The following SYNE3 variants were observed in gnomAD, a reference collection of about 807,000 sequenced individuals.
SYNE3 encodes the protein spectrin repeat containing nuclear envelope family member 3, also known as nesprin-3.
A neutral mutation model predicts 111.2 loss-of-function variants in SYNE3; 100 were observed. That is an observed-to-expected ratio of 0.90 (90% confidence interval 0.77 to 1.06). SYNE3 has a LOEUF of 1.06. Among genes scored for constraint, SYNE3 ranks in the 50% least tolerant of loss-of-function variants. The pLI is 0.00. For synonymous variants in SYNE3, 547 were observed against 533.9 expected (o/e 1.02, Z -0.34); for missense variants, 1,160 against 1,240.3 (o/e 0.94, Z 0.97).
intron 1 of SYNE3, among the ~76,000 whole-genome samples, chr14:95,503,082 A>T (rs1566689945): frequency 6.6e-6 from 1 of 152,238 alleles, no homozygotes; most frequent in Admixed American, 6.5e-5. Context: ...GATTAAATTA[A>T]TCCCATTAGC....
At chr14:95,449,828 C>T in intron 8 of SYNE3, 103 bp downstream of exon 8, 1 of 1,470,118 alleles carries the variant, frequency 6.8e-7, no homozygotes, top group Non-Finnish European at 9.1e-7. Flanking sequence ...CCCCAGATAT[C>T]CGGAGGACCC....
chr14:95,504,389 T>C (rs1313787653), intron 1 of SYNE3, among the ~76,000 whole-genome samples: 1 of 152,226 alleles, frequency 6.6e-6, no homozygotes, highest in African/African-American at 2.4e-5. Flanking sequence ...TCCATTATCC[T>C]AGAAAATTCT....
At chr14:95,432,192 G>A (rs1350620505) in intron 16 of SYNE3, 75 bp from the exon 17 acceptor site, 1 of 1,504,418 alleles carries the variant, frequency 6.6e-7, no homozygotes, top group African/African-American at 1.4e-5. Flanking sequence ...TCCCAACAGA[G>A]CCTGTAATGG....
intron 5 of SYNE3, 42 bp from the exon 6 acceptor site, chr14:95,455,766 A>C: frequency 6.3e-7 from 1 of 1,590,988 alleles, no homozygotes; most frequent in African/African-American, 1.3e-5. Context: ...GGCAGGGAAA[A>C]AGAATACAGT....
intron 16 of SYNE3, among the ~76,000 whole-genome samples, chr14:95,432,624 C>A (rs1885844108): frequency 2.7e-5 from 4 of 146,418 alleles, no homozygotes; most frequent in South Asian, 2.2e-4. Flanking sequence ...ATGATCATTA[C>A]TAGTTTTGCT....
Position 95,415,276 on chromosome 14 carries a change from G to GCCC in SYNE3, c.*2547_*2549dup, listed in dbSNP as rs59220960. 7.2e-6 allele frequency: 1 copy of GCCC among 139,694 alleles called. No homozygotes were observed. The highest frequency in any genetic ancestry group is 2.4e-4 in the South Asian group (1 of 4,156). The allele number at this position is 139,694 out of a possible 1,614,324, so 8.7% of individuals were successfully genotyped here. On this transcript the variant is annotated 3_prime_UTR_variant, in exon 18 of 18. Transcript: ENST00000682763. Reference sequence around the variant, plus strand: ...CATAGGAAAGTGGACACCTGGCAAGGCCCCCCCACCCACCCACCCTGCCAC... The same window carrying GCCC: ...CATAGGAAAGTGGACACCTGGCAAGGCCCCCCCCCCACCCACCCACCCTGCCAC...
At chr14:95,447,176 C>T (rs1015971308) in intron 8 of SYNE3, among the ~76,000 whole-genome samples, 3 of 150,124 alleles carry the variant, frequency 2.0e-5, no homozygotes, top group African/African-American at 2.5e-5. Context: ...CTCTGTTGCC[C>T]AGGCTGGAGT....
chr14:95,466,666 A>G (rs999533547), intron 3 of SYNE3, among the ~76,000 whole-genome samples: 8 of 152,200 alleles, frequency 5.3e-5, no homozygotes, highest in African/African-American at 1.9e-4. Context: ...CCGCTGGCAC[A>G]CGCACACCCA....
Position 95,439,925 on chromosome 14 carries a change from C to T in SYNE3, c.2062G>A (p.Ala688Thr), listed in dbSNP as rs1886315051. ...AGPGDAESQE[A>T]EFERLVAEFP... is the part of the protein sequence containing the mutation. ...AACCACCGCCTTACCTCAAACTCGG[C>T]CTCTTGGGACTCGGCATCCCCCGGG... is the stretch of plus-strand genomic sequence containing the variant. The change falls in exon 12 of 18, where the codon GCC becomes ACC. Residue 688 changes from alanine to threonine, a missense_variant. By Grantham distance (58) the Ala-to-Thr change is moderately conservative. Transcript: ENST00000682763. 2 of 1,612,274 alleles carry T rather than the reference C, an allele frequency of 1.2e-6. No homozygotes were observed. Among genetic ancestry groups the T allele is most frequent in the Admixed American group, 1.7e-5 (1 of 59,820 alleles).
chr14:95,437,003 A>G (rs1250099064), intron 14 of SYNE3, 22 bp from the exon 15 acceptor site: 2 of 1,613,832 alleles, frequency 1.2e-6, no homozygotes, highest in Non-Finnish European at 1.7e-6. Flanking sequence ...CACACGGCCA[A>G]AGCGTCAGAG....
rs541726062 is a variant in SYNE3 at position 95,451,907 on chromosome 14, G to A, written c.1274+340C>T. The A allele has an allele frequency of 1.9e-4, 33 of 173,508 alleles. 1 individual carries two copies. In the South Asian group the frequency reaches 5.4e-3, roughly 29 times the overall value. The allele number at this position is 173,508 out of a possible 1,614,324, so 10.7% of individuals were successfully genotyped here. Reference sequence around the variant, plus strand: ...GGCTCAGATGTTGAAGTCAGCATCCGAAGGCAGGGGAATGGAGTCTGTCTA... The same window carrying A: ...GGCTCAGATGTTGAAGTCAGCATCCAAAGGCAGGGGAATGGAGTCTGTCTA... On this transcript the variant is annotated intron_variant, in intron 7 of 17. Coordinates refer to ENST00000682763, the MANE Select transcript of SYNE3 (RefSeq NM_152592.6).
chr14:95,466,088 T>A lies in SYNE3; in HGVS notation c.470A>T (p.Gln157Leu), dbSNP rs540187127. The A allele has an allele frequency of 6.2e-7, 1 of 1,613,196 alleles. No individual in the cohort carries two copies. The highest frequency in any genetic ancestry group is 8.5e-7 in the Non-Finnish European group (1 of 1,179,328). ...KEKQWQLSHA[Q>L]VLLHNVDNQA... Reference sequence around the variant, plus strand: ...GTTGTCCACGTTGTGCAGCAGCACCTGGGCGTGGCTCAGCTGCCACTGCTT... The same window carrying A: ...GTTGTCCACGTTGTGCAGCAGCACCAGGGCGTGGCTCAGCTGCCACTGCTT... The change falls in exon 4 of 18, where the codon CAG becomes CTG. Residue 157 changes from glutamine (Q) to leucine (L), a missense_variant. Gln to Leu is a moderately radical substitution (Grantham distance 113, BLOSUM62 -2). Coordinates refer to ENST00000682763, the MANE Select transcript of SYNE3 (RefSeq NM_152592.6).
chr14:95,509,781 C>G (rs916489845), intron 1 of SYNE3, among the ~76,000 whole-genome samples: 4 of 152,254 alleles, frequency 2.6e-5, no homozygotes, highest in Non-Finnish European at 4.4e-5. Context: ...CTGTCCATGC[C>G]TTGGTGATCA....
At chr14:95,445,497 A>C (rs140674396) in intron 9 of SYNE3, among the ~76,000 whole-genome samples, 95 of 152,364 alleles carry the variant, frequency 6.2e-4, no homozygotes, top group African/African-American at 2.2e-3. Flanking sequence ...ACAACATGCC[A>C]TGCCATGTCA....
At chr14:95,473,387 T>C (rs1022814338) in intron 2 of SYNE3, among the ~76,000 whole-genome samples, 7 of 151,898 alleles carry the variant, frequency 4.6e-5, no homozygotes, top group Non-Finnish European at 5.9e-5. Context: ...CTAAGCACCC[T>C]AACACAGTGG....
chr14:95,419,755 A>T (rs977423602), intron 17 of SYNE3, among the ~76,000 whole-genome samples: 2 of 147,040 alleles, frequency 1.4e-5, no homozygotes, highest in African/African-American at 5.0e-5. Context: ...GATGATGGTG[A>T]TAATGATCAT....
rs1025281357 is a variant in SYNE3 at position 95,409,455 on chromosome 14, C to T, written c.*8371G>A. 4 of 438,482 alleles carry T rather than the reference C, an allele frequency of 9.1e-6. No homozygotes were observed. The highest frequency in any genetic ancestry group is 3.2e-5 in the South Asian group (2 of 61,624). 27.2% of individuals were successfully genotyped at this position (438,482 alleles called of 1,614,324 possible). A position where few individuals can be genotyped will look rare whatever the true frequency, so the allele number is the denominator to read the frequency against. On this transcript the variant is annotated 3_prime_UTR_variant, in exon 18 of 18. Transcript: ENST00000682763. Reference sequence around the variant, plus strand: ...CCTGGTTGCTGAGCTCAGAAGCAAGCGTTTCAGAAAGGAAGCCCAGGATCC... The same window carrying T: ...CCTGGTTGCTGAGCTCAGAAGCAAGTGTTTCAGAAAGGAAGCCCAGGATCC...
chr14:95,470,903 A>G lies in SYNE3; in HGVS notation c.145-2936T>C, dbSNP rs554771894. Among the ~76,000 whole-genome samples, 2 of 151,494 alleles carry G rather than the reference A, an allele frequency of 1.3e-5. No homozygotes were observed. Among genetic ancestry groups the G allele is most frequent in the East Asian group, 3.9e-4 (2 of 5,134 alleles). ...AACCTGGGAGGCAGATGTTGCAGTG[A>G]GCCGAGATCACAACACTGCACTCCA... On this transcript the variant is annotated intron_variant, in intron 2 of 17. Transcript: ENST00000682763. This position sits in a 1 kb window ranked among gnomAD's most constrained non-coding sequence, Gnocchi z 4.2.
rs1336762532 is a variant in SYNE3, at chr14:95,436,922, G to A, written c.2436C>T (p.Asn812=). Residue 812 remains asparagine (N), a synonymous_variant, in exon 15 of 18, where the codon AAC becomes AAT. Transcript: ENST00000682763. Reference sequence around the variant, plus strand: ...TTTCCACCTGCAACCACTGCCCAAAGTTCCTCAGGAGCTGGGAGAAATCTT... The same window carrying A: ...TTTCCACCTGCAACCACTGCCCAAAATTCCTCAGGAGCTGGGAGAAATCTT... ...SHEDFSQLLR[N]FGQWLQVENS... is the part of the protein sequence containing the mutation. 7 of 1,614,074 alleles carry A rather than the reference G, an allele frequency of 4.3e-6. No individual in the cohort carries two copies. In the Admixed American group the frequency reaches 6.7e-5, roughly 15 times the overall value.
Sources: allele counts gnomAD v4.1 joint callset (sites outside exome capture counted in the v4.1 genomes callset), GRCh38; gene constraint gnomAD v4.1.1; non-coding constraint Gnocchi (gnomAD v3.1); transcripts MANE v1.5; gene names NCBI Gene and HGNC (gene_info 2026-07-23, HGNC 2026-07-21).